COX19: variants seen among roughly 807,000 people sequenced by gnomAD.
The protein encoded by COX19 is cytochrome c oxidase assembly factor COX19.
In COX19, 8 loss-of-function variants were observed where a neutral mutation model predicts 6.8. The observed-to-expected ratio is 1.18, with a 90% CI of 0.69 to 2.12. The LOEUF is 2.12. COX19 is among the 30% of genes most tolerant of loss of function. The pLI, the probability that COX19 is intolerant of heterozygous loss-of-function variation, is 0.00. For missense variants in COX19, 131 were observed against 104.6 expected (o/e 1.25, Z -1.10); for synonymous variants, 51 against 38.0 (o/e 1.34, Z -1.26).
rs147438710 is a variant in COX19, at chr7:975,501, G to T, written c.9C>A (p.Thr3=). Residue 3 remains threonine, a synonymous_variant, in exon 1 of 3, where the codon ACC becomes ACA. Transcript: ENST00000344111. The stretch of plus-strand genomic sequence containing the variant: ...AGCTCTTGGTCCCGAAATTCATGGC[G>T]GTCGACATGTTGGCGACTCCGGAGT... The part of the protein sequence containing the change: MS[T]AMNFGTKSFQ... The T allele has an allele frequency of 1.9e-6, 3 of 1,603,128 alleles. No individual in the cohort carries two copies. The highest frequency in any genetic ancestry group is 1.4e-5 in the African/African-American group (1 of 73,122).
chr7:974,421 C>A (rs1456725192), intron 1 of COX19, among the ~76,000 whole-genome samples: 1 of 152,082 alleles, frequency 6.6e-6, no homozygotes, highest in Non-Finnish European at 1.5e-5. Flanking sequence ...CAGAGTGAGA[C>A]CGTGTCTCAA....
chr7:965,552 G>A lies in COX19; in HGVS notation c.*3826C>T, dbSNP rs1463552758. On this transcript the variant is annotated 3_prime_UTR_variant, in exon 3 of 3. Transcript: ENST00000344111. ...GGCCTCTGCCGTTCTGCTGTGACAT[G>A]ACTGTCTCCTCGGAGGTCACTATGC... 6.6e-6 allele frequency among the ~76,000 whole-genome samples: 1 copy of A among 152,228 alleles called. No homozygotes were observed. The highest frequency in any genetic ancestry group is 1.5e-5 in the Non-Finnish European group (1 of 68,050).
chr7:966,307 C>T lies in COX19; in HGVS notation c.*3071G>A, dbSNP rs1016661846. On this transcript the variant is annotated 3_prime_UTR_variant, in exon 3 of 3. Coordinates refer to ENST00000344111, the MANE Select transcript of COX19 (RefSeq NM_001031617.3). ...TATCTGGGACTACAGGCGGGTGACACCACGCACGGCTGACTTTTCTTGTTT... is the reference window on the plus strand; with the variant it reads ...TATCTGGGACTACAGGCGGGTGACATCACGCACGGCTGACTTTTCTTGTTT... 1.3e-5 allele frequency: 2 copies of T among 152,132 alleles called. No individual in the cohort carries two copies. The highest frequency in any genetic ancestry group is 4.8e-5 in the African/African-American group (2 of 41,400). 9.4% of individuals were successfully genotyped at this position (152,132 alleles called of 1,614,324 possible).
chr7:975,296 A>C, intron 1 of COX19, 132 bp downstream of exon 1: 3 of 652,554 alleles, frequency 4.6e-6, no homozygotes. Context: ...GGTGGGGCGG[A>C]GGGGCGGGCC....
chr7:973,330 T>C (rs1275168152), intron 1 of COX19, 38 bp from the exon 2 acceptor site: 2 of 1,529,922 alleles, frequency 1.3e-6, no homozygotes, highest in Admixed American at 2.2e-5. Flanking sequence ...CTTTTCAGAG[T>C]GAAAAGTGAT....
At chr7:970,292 G>A (rs907971136) in intron 2 of COX19, among the ~76,000 whole-genome samples, 2 of 151,738 alleles carry the variant, frequency 1.3e-5, no homozygotes, top group East Asian at 1.9e-4. Flanking sequence ...ACATCACCAC[G>A]CCCGGCTAAT....
At chr7:972,100 C>T (rs953941198) in intron 2 of COX19, among the ~76,000 whole-genome samples, 9 of 152,156 alleles carry the variant, frequency 5.9e-5, no homozygotes, top group African/African-American at 1.9e-4. Context: ...TAAAGCTTGG[C>T]AGCGCCATGG....
rs777702459 is a variant in COX19 at position 969,367 on chromosome 7, C to T, written c.*11G>A. 2.0e-5 allele frequency: 31 copies of T among 1,568,958 alleles called. No individual in the cohort carries two copies. In the East Asian group the frequency reaches 6.7e-4, roughly 34 times the overall value. Reference sequence around the variant, plus strand: ...CCACTGAACACGGCCCAGGGGTCTTCTCATCAAAATTCATTTTTTTGCCTC... The same window carrying T: ...CCACTGAACACGGCCCAGGGGTCTTTTCATCAAAATTCATTTTTTTGCCTC... On this transcript the variant is annotated 3_prime_UTR_variant, in exon 3 of 3. Coordinates refer to ENST00000344111, the MANE Select transcript of COX19 (RefSeq NM_001031617.3).
intron 2 of COX19, among the ~76,000 whole-genome samples, chr7:971,168 G>C (rs115750257): frequency 1.7e-3 from 262 of 152,308 alleles, no homozygotes; most frequent in African/African-American, 5.9e-3. Context: ...GTGACACCCG[G>C]TGCCTAAAAC....
At position 967,381 on chromosome 7, in the gene COX19, G is replaced by C. The variant is rs1292061102; in HGVS notation, c.*1997C>G. ...ACACCTGGCTCTCATCATCCACGAT[G>C]TATTTCTAGTTTTTTCCATCTCAGA... On this transcript the variant is annotated 3_prime_UTR_variant, in exon 3 of 3. Coordinates refer to ENST00000344111, the MANE Select transcript of COX19 (RefSeq NM_001031617.3). The C allele has an allele frequency of 6.6e-6, 1 of 152,258 alleles. No homozygotes were observed. Among genetic ancestry groups the C allele is most frequent in the Non-Finnish European group, 1.5e-5 (1 of 68,046 alleles). The allele number at this position is 152,258 out of a possible 1,614,324, so 9.4% of individuals were successfully genotyped here.
intron 2 of COX19, chr7:972,951 AATC>A (rs1375264056): frequency 3.4e-6 from 1 of 293,228 alleles, no homozygotes; most frequent in African/African-American, 2.2e-5. Flanking sequence ...TCAGGAATGC[AATC>A]ATGTATAACG....
At chr7:971,893 T>A (rs886533470) in intron 2 of COX19, among the ~76,000 whole-genome samples, 50 of 151,922 alleles carry the variant, frequency 3.3e-4, no homozygotes, top group Non-Finnish European at 7.4e-5. Flanking sequence ...AAAATAAAAA[T>A]AAAAAAACAA....
intron 2 of COX19, among the ~76,000 whole-genome samples, chr7:971,066 ACCCAGCCAGGAGG>A (rs1240797212): frequency 1.3e-5 from 2 of 151,834 alleles, no homozygotes; most frequent in African/African-American, 4.8e-5. Context: ...CCTCCCCACA[ACCCAGCCAGGAGG>A]CCCAGCCATC....
rs750971043 is a variant in COX19, at chr7:975,536, C to A, written c.-27G>T. On this transcript the variant is annotated 5_prime_UTR_variant, in exon 1 of 3. Transcript: ENST00000344111. ...TTGGCGACTCCGGAGTCTGCGAGCGCCTTGCGAGCGTACGCAGGGCGGCCG... is the reference window on the plus strand; with the variant it reads ...TTGGCGACTCCGGAGTCTGCGAGCGACTTGCGAGCGTACGCAGGGCGGCCG... 1.3e-6 allele frequency: 2 copies of A among 1,586,334 alleles called. No homozygotes were observed. The highest frequency in any genetic ancestry group is 1.7e-5 in the Admixed American group (1 of 58,266).
rs370640497 is a variant in COX19 at position 969,394 on chromosome 7, G to A, written c.257C>T (p.Ser86Leu). 1 of 1,608,558 alleles carries A rather than the reference G, an allele frequency of 6.2e-7. No homozygotes were observed. The highest frequency in any genetic ancestry group is 8.5e-7 in the Non-Finnish European group (1 of 1,175,138). ...LGFGDLTSGK[S>L]EAKK ...CATCAAAATTCATTTTTTTGCCTCT[G>A]ATTTTCCACTAGTCAAGTCTCCAAA... Residue 86 changes from serine (S) to leucine (L), a missense_variant, in exon 3 of 3, where the codon TCA (serine) becomes TTA (leucine). Physicochemically the swap from Ser to Leu is moderately radical, Grantham distance 145. Coordinates refer to ENST00000344111, the MANE Select transcript of COX19 (RefSeq NM_001031617.3).
chr7:969,148 A>C lies in COX19; in HGVS notation c.*230T>G. On this transcript the variant is annotated 3_prime_UTR_variant, in exon 3 of 3. Coordinates refer to ENST00000344111, the MANE Select transcript of COX19 (RefSeq NM_001031617.3). ...CTTGCCCCACGCTCGCCTCCCTCCC[A>C]GCTTTGCCGGGAACGCCGTCCCACT... 2 of 499,012 alleles carry C rather than the reference A, an allele frequency of 4.0e-6. No individual in the cohort carries two copies. Among genetic ancestry groups the C allele is most frequent in the Non-Finnish European group, 7.1e-6 (2 of 280,954 alleles). 30.9% of individuals were successfully genotyped at this position (499,012 alleles called of 1,614,324 possible).
chr7:971,870 C>CA (rs1262268630), intron 2 of COX19, among the ~76,000 whole-genome samples: 1 of 152,036 alleles, frequency 6.6e-6, no homozygotes, highest in Non-Finnish European at 1.5e-5. Flanking sequence ...GACTCCGTCT[C>CA]AAAAAAATAA....
At chr7:972,358 C>T (rs1168136453) in intron 2 of COX19, among the ~76,000 whole-genome samples, 3 of 152,158 alleles carry the variant, frequency 2.0e-5, no homozygotes, top group Non-Finnish European at 2.9e-5. Flanking sequence ...ACGAATAACC[C>T]CGAACACACC....
intron 2 of COX19, among the ~76,000 whole-genome samples, chr7:972,542 AAAAT>A (rs1464796354): frequency 6.6e-6 from 1 of 152,222 alleles, no homozygotes; most frequent in Non-Finnish European, 1.5e-5. Flanking sequence ...TCGAAAAGCA[AAAAT>A]AAAAGCTCCC....
Sources: gnomAD v4.1 joint callset for allele counts (sites outside exome capture counted in the v4.1 genomes callset) on GRCh38, gnomAD v4.1.1 for gene constraint, MANE v1.5 for transcripts, NCBI Gene and HGNC (gene_info 2026-07-23, HGNC 2026-07-21) for gene names.